The following SPP2 variants were observed in gnomAD, a reference collection of about 807,000 sequenced individuals.
SPP2 encodes the protein secreted phosphoprotein 24.
SPP2 carries 34 observed loss-of-function variants against 28.8 expected under a neutral mutation model. The observed-to-expected ratio is 1.18, with a 90% CI of 0.90 to 1.57. The LOEUF is 1.57. Among genes scored for constraint, SPP2 ranks in the 40% most tolerant of loss-of-function variants. The probability of loss-of-function intolerance (pLI) is 0.00; values close to 1 mark genes in which losing one functional copy is unlikely to be tolerated. For synonymous variants in SPP2, 96 were observed against 89.4 expected, an observed-to-expected ratio of 1.07 and a Z score of -0.42; for missense variants, 269 against 263.9, an observed-to-expected ratio of 1.02 and a Z score of -0.13.
intron 2 of SPP2, among the ~76,000 whole-genome samples, chr2:234,053,590 C>A (rs552197245): frequency 6.6e-6 from 1 of 151,536 alleles, no homozygotes; most frequent in Non-Finnish European, 1.5e-5. Flanking sequence ...TTCTAATGTG[C>A]GGTCTCGGTG....
chr2:234,065,961 C>G (rs1320296858), intron 4 of SPP2, among the ~76,000 whole-genome samples: 1 of 152,212 alleles, frequency 6.6e-6, no homozygotes, highest in East Asian at 1.9e-4. Flanking sequence ...TGTTCTTTCT[C>G]TCTTAAATTG....
At chr2:234,050,938 G>C in intron 1 of SPP2, 33 bp from the exon 2 acceptor site, 1 of 1,613,950 alleles carries the variant, frequency 6.2e-7, no homozygotes, top group South Asian at 1.1e-5. Context: ...CCTGTGTCTT[G>C]TCTCACTGTG....
chr2:234,056,366 G>A (rs1693608003), intron 2 of SPP2: 1 of 152,188 alleles, frequency 6.6e-6, no homozygotes, highest in African/African-American at 2.4e-5. Context: ...AAACCACAAT[G>A]AGTTGACTTC....
intron 2 of SPP2, among the ~76,000 whole-genome samples, chr2:234,057,836 C>T (rs1481305607): frequency 1.3e-5 from 2 of 152,182 alleles, no homozygotes; most frequent in Non-Finnish European, 2.9e-5. Flanking sequence ...ACTCGTTGCT[C>T]AATTACTTAT....
intron 3 of SPP2, 124 bp from the exon 4 acceptor site, chr2:234,060,245 G>T (rs1693690923): frequency 3.1e-6 from 2 of 655,148 alleles, no homozygotes; most frequent in African/African-American, 3.7e-5. Flanking sequence ...AAAATAAAAT[G>T]CCTCTGTGAA....
intron 7 of SPP2, among the ~76,000 whole-genome samples, chr2:234,076,125 G>A (rs1189160241): frequency 6.6e-6 from 1 of 152,158 alleles, no homozygotes; most frequent in African/African-American, 2.4e-5. Flanking sequence ...GTCTTGCTGT[G>A]CTGGAGGATG....
chr2:234,073,219 T>C, intron 7 of SPP2, among the ~76,000 whole-genome samples: 1 of 152,216 alleles, frequency 6.6e-6, no homozygotes. Context: ...GCATTCTCCT[T>C]GTTAATTATT....
intron 3 of SPP2, among the ~76,000 whole-genome samples, chr2:234,059,904 C>T (rs28904000): frequency 0.14 from 21,338 of 152,166 alleles, 2,478 homozygotes; most frequent in African/African-American, 0.32. Context: ...GGTTCAAGCT[C>T]GTGGGTTTTG....
chr2:234,072,086 T>C lies in SPP2; in HGVS notation c.*10+2063T>C, dbSNP rs141550525. Among the ~76,000 whole-genome samples, 456 of 152,344 alleles carry C rather than the reference T, an allele frequency of 3.0e-3. 4 individuals carry two copies. The highest frequency in any genetic ancestry group is 0.011 in the African/African-American group (439 of 41,590). On this transcript the variant is annotated intron_variant, in intron 7 of 7. Transcript: ENST00000168148. ...CACTCAATAAATAGCACTCAGTAAA[T>C]ATTTTTTAAGTGAATGAAATCCTTC...
At chr2:234,075,852 C>G (rs1690884506) in intron 7 of SPP2, among the ~76,000 whole-genome samples, 1 of 152,182 alleles carries the variant, frequency 6.6e-6, no homozygotes, top group South Asian at 2.1e-4. Flanking sequence ...CACTCTTCCC[C>G]CTGTCTCCAA....
At chr2:234,065,236 T>A (rs951806787) in intron 4 of SPP2, among the ~76,000 whole-genome samples, 2 of 152,172 alleles carry the variant, frequency 1.3e-5, no homozygotes, top group Non-Finnish European at 2.9e-5. Flanking sequence ...TGCCTGTCTT[T>A]TTTATTTTAG....
At chr2:234,066,637 A>G (rs1693827998) in intron 5 of SPP2, 50 bp downstream of exon 5, 2 of 1,381,918 alleles carry the variant, frequency 1.4e-6, no homozygotes, top group Non-Finnish European at 2.0e-6. Flanking sequence ...ATAACTCCAT[A>G]TTGCAACTCT....
At chr2:234,068,131 C>T (rs941471026) in intron 6 of SPP2, among the ~76,000 whole-genome samples, 1 of 152,134 alleles carries the variant, frequency 6.6e-6, no homozygotes, top group African/African-American at 2.4e-5. Flanking sequence ...CTCATGATAG[C>T]CCTGTCAACC....
At position 234,059,066 on chromosome 2, in the gene SPP2, C is replaced by A. The variant is rs1693666566; in HGVS notation, c.333+108C>A. ...TGGTCGCTGCCTGGCTAGCATCTGG[C>A]CACACTGCTAACATGTGGACATTGT... On this transcript the variant is annotated intron_variant, in intron 3 of 7. Coordinates refer to ENST00000168148, the MANE Select transcript of SPP2 (RefSeq NM_006944.3). 3 of 1,344,648 alleles carry A rather than the reference C, an allele frequency of 2.2e-6. No individual in the cohort carries two copies. The Admixed American group carries it at 7.1e-5, about 32-fold the overall frequency. 83.3% of individuals were successfully genotyped at this position (1,344,648 alleles called of 1,614,324 possible). A position where few individuals can be genotyped will look rare whatever the true frequency, so the allele number is the denominator to read the frequency against.
chr2:234,065,020 T>C (rs561299556), intron 4 of SPP2, among the ~76,000 whole-genome samples: 136 of 152,210 alleles, frequency 8.9e-4, no homozygotes, highest in Non-Finnish European at 1.6e-3. Context: ...CATGTGCAAG[T>C]TTTTGTGTAC....
chr2:234,052,205 G>A (rs1290617153), intron 2 of SPP2, among the ~76,000 whole-genome samples: 1 of 152,038 alleles, frequency 6.6e-6, no homozygotes, highest in Non-Finnish European at 1.5e-5. Context: ...TGGATGTTGT[G>A]GTGTGGAGGC....
chr2:234,068,933 AC>A (rs1269969699), intron 6 of SPP2, among the ~76,000 whole-genome samples: 2 of 152,132 alleles, frequency 1.3e-5, no homozygotes, highest in African/African-American at 4.8e-5. Context: ...CCAAGGAGAA[AC>A]TTAGCTGGGT....
At chr2:234,076,656 C>T (rs1421897060) in intron 7 of SPP2, among the ~76,000 whole-genome samples, 189 bp from the exon 8 acceptor site, 6 of 152,130 alleles carry the variant, frequency 3.9e-5, no homozygotes, top group African/African-American at 1.4e-4. Context: ...TACTCTTTTG[C>T]TTTTGCTTGG....
At chr2:234,071,583 C>A (rs149400607) in intron 7 of SPP2, among the ~76,000 whole-genome samples, 6 of 152,204 alleles carry the variant, frequency 3.9e-5, no homozygotes, top group African/African-American at 7.2e-5. Flanking sequence ...ATTTTACATG[C>A]GCACATGTGC....
Sources: gnomAD v4.1 joint callset for allele counts (sites outside exome capture counted in the v4.1 genomes callset) on GRCh38, gnomAD v4.1.1 for gene constraint, MANE v1.5 for transcripts, NCBI Gene and HGNC (gene_info 2026-07-23, HGNC 2026-07-21) for gene names.